CUX1: variants seen among roughly 807,000 people sequenced by gnomAD.
The protein encoded by CUX1 is protein CASP.
Under a neutral mutation model 158.8 loss-of-function variants are expected in CUX1, and 31 were observed. The observed-to-expected ratio is 0.20, with a 90% CI of 0.15 to 0.26. The LOEUF is 0.26. Among genes scored for constraint, CUX1 ranks in the 10% least tolerant of loss-of-function variants. The pLI is 1.00. For synonymous variants in CUX1, 879 were observed against 862.1 expected (o/e 1.02, Z -0.34); for missense variants, 1,589 against 2,014.6 (o/e 0.79, Z 4.04).
chr7:102,013,887 T>G (rs1818309884), intron 2 of CUX1, among the ~76,000 whole-genome samples: 2 of 152,148 alleles, frequency 1.3e-5, no homozygotes, highest in South Asian at 4.1e-4. Context: ...GTATTTTTTG[T>G]AGAGACAGGG....
chr7:102,085,870 A>G (rs1398902089), intron 4 of CUX1, among the ~76,000 whole-genome samples: 1 of 152,160 alleles, frequency 6.6e-6, no homozygotes, highest in Non-Finnish European at 1.5e-5. Flanking sequence ...GTAAAATTCA[A>G]TTCATCAGTG....
Position 102,257,221 on chromosome 7 carries a change from C to T in CUX1, c.*8179C>T. The T allele has an allele frequency of 1.0e-6, 1 of 985,410 alleles. No individual in the cohort carries two copies. The highest frequency in any genetic ancestry group is 1.2e-6 in the Non-Finnish European group (1 of 829,930). The allele number at this position is 985,410 out of a possible 1,614,324, so 61.0% of individuals were successfully genotyped here. ...TCTTTCCATATCATCACCTCCCCTT[C>T]TCCAAGATTGCCGGGGGCCCTGATT... On this transcript the variant is annotated 3_prime_UTR_variant, in exon 24 of 24. Coordinates refer to ENST00000292535, the MANE Select transcript of CUX1 (RefSeq NM_181552.4).
chr7:101,901,160 C>T lies in CUX1; in HGVS notation c.31-14955C>T, dbSNP rs145761064. 2.2e-3 allele frequency among the ~76,000 whole-genome samples: 336 copies of T among 152,216 alleles called. 2 individuals are homozygous for T. The highest frequency in any genetic ancestry group is 7.8e-3 in the African/African-American group (323 of 41,540). On this transcript the variant is annotated intron_variant, in intron 1 of 23. Coordinates refer to ENST00000292535, the MANE Select transcript of CUX1 (RefSeq NM_181552.4). ...ATGGAACCTGGTCTACCCCAAATGCCCCTACTGCTTCCTAGGGCCCAGTAA... is the reference window on the plus strand; with the variant it reads ...ATGGAACCTGGTCTACCCCAAATGCTCCTACTGCTTCCTAGGGCCCAGTAA...
At chr7:102,262,429 T>TGGATGGATGGATGGATGGATGG (rs1554544083), downstream of CUX1, among the ~76,000 whole-genome samples, 1 of 124,854 alleles carries the variant, frequency 8.0e-6, no homozygotes, top group African/African-American at 2.8e-5. Context: ...GATGGATGGA[T>TGGATGGATGGATGGATGGATGG]AACTCACAGG....
At chr7:101,832,460 CA>C (rs1794146792) in intron 1 of CUX1, among the ~76,000 whole-genome samples, 2 of 152,174 alleles carry the variant, frequency 1.3e-5, no homozygotes. Flanking sequence ...CTGGCACCTT[CA>C]GGGGCGGGCT....
intron 2 of CUX1, among the ~76,000 whole-genome samples, chr7:101,940,585 G>A (rs1413717771): frequency 6.6e-6 from 1 of 152,154 alleles, no homozygotes; most frequent in Non-Finnish European, 1.5e-5. Flanking sequence ...ATATGTGTGT[G>A]TGTGTTTTCT....
intron 4 of CUX1, among the ~76,000 whole-genome samples, chr7:102,080,338 C>T (rs1827237658): frequency 6.6e-6 from 1 of 152,194 alleles, no homozygotes; most frequent in African/African-American, 2.4e-5. Context: ...ATCAGTCGCT[C>T]ATCAGCATGC....
intron 20 of CUX1, 145 bp downstream of exon 20, chr7:102,205,315 G>A (rs1265548103): frequency 3.1e-5 from 20 of 652,628 alleles, no homozygotes; most frequent in Non-Finnish European, 5.6e-5. Context: ...ATCTGCAAAC[G>A]GGGTCCCTCT....
In CUX1 at chr7:102,257,895, CGTCTT is replaced by C; in HGVS notation, c.*8854_*8858del. 1 of 972,328 alleles carries C rather than the reference CGTCTT, an allele frequency of 1.0e-6. No individual in the cohort carries two copies. The highest frequency in any genetic ancestry group is 1.2e-6 in the Non-Finnish European group (1 of 822,600). 60.2% of individuals were successfully genotyped at this position (972,328 alleles called of 1,614,324 possible). On this transcript the variant is annotated 3_prime_UTR_variant, in exon 24 of 24. Transcript: ENST00000292535. ...AAAGAAAAAAGGAAAAAAAAAAAGT[CGTCTT>C]TTTTTTTTTTTTTTGTACAAATCGC... is the stretch of plus-strand genomic sequence containing the variant.
rs1554535722 is a variant in CUX1 at position 102,243,679 on chromosome 7, A to ATAATAAT, written c.3887+4095_3887+4096insTAATAAT. On this transcript the variant is annotated intron_variant, in intron 23 of 23. Transcript: ENST00000292535. ...AATAATAATAATAATAATAATAATA[A>ATAATAAT]AATAAATGAAGGAGAAGTGAGCATT... 2.4e-4 allele frequency among the ~76,000 whole-genome samples: 34 copies of ATAATAAT among 144,152 alleles called. No homozygotes were observed. The East Asian group carries it at 2.8e-3, about 12-fold the overall frequency. 94.6% of individuals were successfully genotyped at this position (144,152 alleles called of 152,430 possible).
chr7:102,080,461 G>A (rs986581328), intron 4 of CUX1, among the ~76,000 whole-genome samples: 2 of 152,190 alleles, frequency 1.3e-5, no homozygotes, highest in Non-Finnish European at 2.9e-5. Flanking sequence ...CTGGCGAAAA[G>A]TAGCGTCTGC....
chr7:101,918,658 A>G (rs899238843), intron 2 of CUX1, among the ~76,000 whole-genome samples: 3 of 152,232 alleles, frequency 2.0e-5, no homozygotes, highest in African/African-American at 7.2e-5. Context: ...AGCCCTATGC[A>G]CTTTCTCATC....
intron 4 of CUX1, among the ~76,000 whole-genome samples, chr7:102,070,990 C>G (rs556248870): frequency 2.4e-4 from 36 of 152,074 alleles, no homozygotes; most frequent in African/African-American, 8.2e-4. Flanking sequence ...GGGTCTCGCT[C>G]TGTCGCCCAG....
At chr7:102,022,200 A>G (rs139086929) in intron 2 of CUX1, among the ~76,000 whole-genome samples, 4 of 152,200 alleles carry the variant, frequency 2.6e-5, no homozygotes, top group East Asian at 1.9e-4. Context: ...TTTTGTCTCT[A>G]TTTTGCTTTT....
chr7:102,273,297 A>C (rs1052760091), intron 14 of CUX1: 3 of 1,570,234 alleles, frequency 1.9e-6, no homozygotes, highest in African/African-American at 2.7e-5. Flanking sequence ...TTGGAGAGGC[A>C]GAACCAGGGG....
intron 1 of CUX1, among the ~76,000 whole-genome samples, chr7:101,848,472 T>G (rs1474018440): frequency 1.3e-5 from 2 of 152,152 alleles, no homozygotes; most frequent in Admixed American, 1.3e-4. Context: ...AAAGTGGAAG[T>G]CCTTTCAGAT....
chr7:102,041,549 C>T (rs1472894704), intron 3 of CUX1, among the ~76,000 whole-genome samples: 1 of 151,982 alleles, frequency 6.6e-6, no homozygotes, highest in Admixed American at 6.6e-5. Context: ...CCACCATGCC[C>T]TTGCCTTATC....
chr7:101,833,384 A>AG (rs1440620941), intron 1 of CUX1, among the ~76,000 whole-genome samples: 1 of 151,280 alleles, frequency 6.6e-6, no homozygotes, highest in African/African-American at 2.4e-5. Context: ...CTGTCTCTAC[A>AG]GAAAAAAAAA....
chr7:101,966,250 G>T (rs1392160707), intron 2 of CUX1, among the ~76,000 whole-genome samples: 2 of 151,554 alleles, frequency 1.3e-5, no homozygotes, highest in Non-Finnish European at 2.9e-5. Context: ...ATTTTTTGTA[G>T]AGGTGGTGTT....
Sources: gnomAD v4.1 joint callset for allele counts (sites outside exome capture counted in the v4.1 genomes callset) on GRCh38, gnomAD v4.1.1 for gene constraint, MANE v1.5 for transcripts, NCBI Gene and HGNC (gene_info 2026-07-23, HGNC 2026-07-21) for gene names.